Variants in MAGI2 observed in about 807,000 individuals in gnomAD.
The protein encoded by MAGI2 is membrane-associated guanylate kinase, WW and PDZ domain-containing protein 2.
A neutral mutation model predicts 133.3 loss-of-function variants in MAGI2; 35 were observed. The ratio of observed to expected loss-of-function variants is 0.26; its 90% CI spans 0.20 to 0.35. The LOEUF is 0.35. Among genes scored for constraint, MAGI2 ranks in the 10% least tolerant of loss-of-function variants. The probability of loss-of-function intolerance (pLI) is 1.00; values close to 1 mark genes in which losing one functional copy is unlikely to be tolerated. For missense variants in MAGI2, 1,636 were observed against 1,863.4 expected (o/e 0.88, Z 2.25); for synonymous variants, 729 against 710.6 (o/e 1.03, Z -0.41).
chr7:78,986,970 G>A (rs1805319134), intron 2 of MAGI2, among the ~76,000 whole-genome samples: 1 of 152,044 alleles, frequency 6.6e-6, no homozygotes, highest in Non-Finnish European at 1.5e-5. Flanking sequence ...GGACAGCAGG[G>A]TCAGCCCTTC....
intron 2 of MAGI2, among the ~76,000 whole-genome samples, chr7:78,844,732 T>C (rs1262342908): frequency 1.3e-5 from 2 of 151,820 alleles, no homozygotes; most frequent in Non-Finnish European, 2.9e-5. Flanking sequence ...CAGAAACTGA[T>C]GGTAGTTATA....
intron 2 of MAGI2, among the ~76,000 whole-genome samples, chr7:78,887,177 T>G (rs941509962): frequency 1.3e-5 from 2 of 152,238 alleles, no homozygotes; most frequent in African/African-American, 4.8e-5. Context: ...CTAATACACA[T>G]GGTGACTTCT....
At chr7:79,324,847 C>T (rs181881914) in intron 1 of MAGI2, among the ~76,000 whole-genome samples, 1 of 149,600 alleles carries the variant, frequency 6.7e-6, no homozygotes, top group Non-Finnish European at 1.5e-5. Context: ...TCTACTCGTC[C>T]TTCAGAGTAC....
intron 4 of MAGI2, chr7:78,518,189 G>C (rs1584474690): frequency 6.6e-6 from 1 of 152,148 alleles, no homozygotes; most frequent in African/African-American, 2.4e-5. Context: ...CACTGTACAT[G>C]ATTTCAGGAA....
chr7:78,767,005 T>C (rs960772459), intron 2 of MAGI2, among the ~76,000 whole-genome samples: 3 of 149,972 alleles, frequency 2.0e-5, no homozygotes, highest in Admixed American at 6.7e-5. Flanking sequence ...TTTTTTTTTT[T>C]TGAGATGGAG....
chr7:78,992,554 A>G (rs1353762081), intron 2 of MAGI2, among the ~76,000 whole-genome samples: 3 of 152,050 alleles, frequency 2.0e-5, no homozygotes, highest in Non-Finnish European at 4.4e-5. Context: ...ATATTCATAA[A>G]GAGAATAACA....
chr7:79,030,621 G>A (rs1166423902), intron 1 of MAGI2, among the ~76,000 whole-genome samples: 2 of 152,110 alleles, frequency 1.3e-5, no homozygotes, highest in Admixed American at 6.5e-5. Flanking sequence ...GACAGTGGGT[G>A]GATGAACACA....
chr7:79,270,599 CAGA>C (rs746768466), intron 1 of MAGI2, among the ~76,000 whole-genome samples: 11 of 152,136 alleles, frequency 7.2e-5, no homozygotes, highest in Non-Finnish European at 1.3e-4. Context: ...AGGAAATTTT[CAGA>C]AGAATGACTT....
intron 1 of MAGI2, among the ~76,000 whole-genome samples, chr7:79,015,641 T>A (rs1808626162): frequency 6.6e-6 from 1 of 152,166 alleles, no homozygotes; most frequent in Non-Finnish European, 1.5e-5. Context: ...GCTACAAGAC[T>A]GATTTCAAAT....
chr7:78,410,319 A>G (rs1362783400), intron 6 of MAGI2, among the ~76,000 whole-genome samples: 1 of 152,090 alleles, frequency 6.6e-6, no homozygotes, highest in Non-Finnish European at 1.5e-5. Flanking sequence ...GAATATAAAA[A>G]TAACATTTTA....
intron 6 of MAGI2, among the ~76,000 whole-genome samples, chr7:78,403,108 G>A (rs1001492033): frequency 1.3e-4 from 19 of 151,928 alleles, no homozygotes; most frequent in African/African-American, 2.4e-4. Context: ...CCATTAACTC[G>A]TCATTTACAT....
intron 2 of MAGI2, among the ~76,000 whole-genome samples, chr7:78,947,768 T>G (rs1801538486): frequency 6.6e-6 from 1 of 152,116 alleles, no homozygotes. Context: ...ATAAACCTTT[T>G]GATTAACACA....
intron 1 of MAGI2, among the ~76,000 whole-genome samples, chr7:79,197,805 G>C (rs1828221436): frequency 6.6e-6 from 1 of 152,000 alleles, no homozygotes. Flanking sequence ...TCACATAGCA[G>C]AAGTGGTAAA....
intron 7 of MAGI2, among the ~76,000 whole-genome samples, chr7:78,362,500 G>A (rs1313802676): frequency 6.6e-6 from 1 of 152,108 alleles, no homozygotes; most frequent in East Asian, 1.9e-4. Flanking sequence ...GTGGAGCTAG[G>A]AGACCCCCTA....
At chr7:78,458,019 T>A (rs1251429871) in intron 6 of MAGI2, among the ~76,000 whole-genome samples, 1 of 152,042 alleles carries the variant, frequency 6.6e-6, no homozygotes, top group Admixed American at 6.6e-5. Context: ...AAGAGTAGGC[T>A]GGGCGTGGTG....
At chr7:78,510,302 A>G (rs59720926) in intron 4 of MAGI2, among the ~76,000 whole-genome samples, 6,357 of 152,232 alleles carry the variant, frequency 0.042, 328 homozygotes, top group African/African-American at 0.12. Context: ...GGATGCTTCA[A>G]TTTTCTTAAC....
chr7:79,411,558 C>T (rs1036660796), intron 1 of MAGI2: 4 of 152,160 alleles, frequency 2.6e-5, no homozygotes, highest in African/African-American at 4.8e-5. Flanking sequence ...CACAAAGCTA[C>T]ATGGCCCTGT....
At chr7:78,441,494 G>C (rs1787627162) in intron 6 of MAGI2, among the ~76,000 whole-genome samples, 1 of 152,112 alleles carries the variant, frequency 6.6e-6, no homozygotes, top group African/African-American at 2.4e-5. Flanking sequence ...AGTCACTTTG[G>C]ATTTATGCAC....
At chr7:78,883,247 G>A in intron 2 of MAGI2, among the ~76,000 whole-genome samples, 1 of 151,788 alleles carries the variant, frequency 6.6e-6, no homozygotes, top group East Asian at 1.9e-4. Context: ...AATCCCATTT[G>A]TAATAGACAC....
Sources: allele counts gnomAD v4.1 joint callset (sites outside exome capture counted in the v4.1 genomes callset), GRCh38; gene constraint gnomAD v4.1.1; transcripts MANE v1.5; gene names NCBI Gene and HGNC (gene_info 2026-07-23, HGNC 2026-07-21).